The following PTPN13 variants were observed in gnomAD, a reference collection of about 807,000 sequenced individuals.
PTPN13 encodes the protein protein tyrosine phosphatase non-receptor type 13, also known as tyrosine-protein phosphatase non-receptor type 13.
Under a neutral mutation model 284.0 loss-of-function variants are expected in PTPN13, and 191 were observed. That is an observed-to-expected ratio of 0.67 (90% CI 0.60 to 0.76). PTPN13 has a LOEUF of 0.76. Among genes scored for constraint, PTPN13 ranks in the 30% least tolerant of loss-of-function variants. The pLI, the probability that PTPN13 is intolerant of heterozygous loss-of-function variation, is 0.00. For synonymous variants in PTPN13, 986 were observed against 1,022.3 expected, an observed-to-expected ratio of 0.96 and a Z score of 0.68; for missense variants, 2,797 against 2,939.9, an observed-to-expected ratio of 0.95 and a Z score of 1.12.
chr4:86,666,667 C>G (rs944928791), intron 2 of PTPN13, among the ~76,000 whole-genome samples: 1 of 152,064 alleles, frequency 6.6e-6, no homozygotes, highest in African/African-American at 2.4e-5. Flanking sequence ...AATTTCAGCC[C>G]AGAATGGGAG....
At chr4:86,773,037 A>G in intron 32 of PTPN13, 79 bp downstream of exon 32, 1 of 1,091,248 alleles carries the variant, frequency 9.2e-7, no homozygotes, top group Non-Finnish European at 1.3e-6. Context: ...CCCTTTAGGG[A>G]AAAAGCTATC....
At chr4:86,730,798 C>A (rs977202887) in intron 10 of PTPN13, among the ~76,000 whole-genome samples, 1 of 152,058 alleles carries the variant, frequency 6.6e-6, no homozygotes, top group Non-Finnish European at 1.5e-5. Flanking sequence ...AGCTCATCCT[C>A]CGATTGCTGC....
At chr4:86,600,763 A>T (rs1764236202) in intron 1 of PTPN13, among the ~76,000 whole-genome samples, 1 of 152,064 alleles carries the variant, frequency 6.6e-6, no homozygotes, top group South Asian at 2.1e-4. Context: ...TGCTTCTTCT[A>T]AAAAAGTGTA....
At chr4:86,727,722 T>C (rs2149109662) in intron 10 of PTPN13, among the ~76,000 whole-genome samples, 1 of 149,508 alleles carries the variant, frequency 6.7e-6, no homozygotes, top group East Asian at 1.9e-4. Flanking sequence ...TTATTAGTCT[T>C]GCTAGCAGTA....
At chr4:86,744,533 A>G (rs867785844) in intron 16 of PTPN13, among the ~76,000 whole-genome samples, 4 of 152,338 alleles carry the variant, frequency 2.6e-5, no homozygotes, top group African/African-American at 9.6e-5. Flanking sequence ...TAATACAGTC[A>G]TGTGCCATGT....
intron 37 of PTPN13, 145 bp from the exon 38 acceptor site, chr4:86,784,320 T>C: frequency 1.8e-6 from 1 of 561,982 alleles, no homozygotes; most frequent in East Asian, 3.2e-5. Context: ...TGCACTGATA[T>C]TTCCTTTCAA....
intron 7 of PTPN13, among the ~76,000 whole-genome samples, chr4:86,703,210 C>G (rs1164255240): frequency 6.6e-6 from 1 of 151,956 alleles, no homozygotes; most frequent in African/African-American, 2.4e-5. Flanking sequence ...TAACCTTGAT[C>G]GAATACTTTC....
chr4:86,750,541 A>C lies in PTPN13; in HGVS notation c.2722A>C (p.Ser908Arg). The change falls in exon 18 of 48, where the codon AGC becomes CGC. Residue 908 changes from serine to arginine, a missense_variant. Coordinates refer to ENST00000411767, the MANE Select transcript of PTPN13 (RefSeq NM_080683.3). ...VRGFNMGRAISTGSLASSTLN... is the reference protein window; with the variant it reads ...VRGFNMGRAIRTGSLASSTLN... ...AGGATTTAATATGGGACGAGCAATC[A>C]GCACTGGCAGTCTGGCCAGCAGCAC... The C allele has an allele frequency of 6.2e-7, 1 of 1,613,994 alleles. No homozygotes were observed.
intron 7 of PTPN13, among the ~76,000 whole-genome samples, chr4:86,711,293 C>T (rs1253209569): frequency 2.0e-5 from 3 of 151,916 alleles, no homozygotes; most frequent in Non-Finnish European, 2.9e-5. Flanking sequence ...GGATTACAGA[C>T]GTAACCCAAC....
intron 1 of PTPN13, among the ~76,000 whole-genome samples, chr4:86,611,098 T>G (rs537940274): frequency 1.3e-5 from 2 of 152,282 alleles, no homozygotes; most frequent in Non-Finnish European, 2.9e-5. Context: ...TCTTCCTTTT[T>G]CCTACTTTCA....
At chr4:86,774,302 G>T in intron 32 of PTPN13, 71 bp from the exon 33 acceptor site, 1 of 1,405,610 alleles carries the variant, frequency 7.1e-7, no homozygotes, top group South Asian at 1.4e-5. Flanking sequence ...TAAGGGAAAT[G>T]ATAGTCATCT....
chr4:86,643,806 C>T (rs987124859), intron 2 of PTPN13, among the ~76,000 whole-genome samples: 2 of 152,046 alleles, frequency 1.3e-5, no homozygotes, highest in Non-Finnish European at 2.9e-5. Flanking sequence ...ATTGGCAGAG[C>T]AGAAATAATG....
At chr4:86,618,740 A>G (rs1484757831) in intron 1 of PTPN13, among the ~76,000 whole-genome samples, 1 of 152,024 alleles carries the variant, frequency 6.6e-6, no homozygotes, top group East Asian at 1.9e-4. Flanking sequence ...TCTGTTATTG[A>G]TGTATAAGAA....
intron 23 of PTPN13, 31 bp downstream of exon 23, chr4:86,759,104 T>C: frequency 6.3e-7 from 1 of 1,597,686 alleles, no homozygotes; most frequent in Non-Finnish European, 8.5e-7. Context: ...TTATGTATTC[T>C]GTTTCACTTT....
At chr4:86,750,429 G>A (rs1457881495) in intron 17 of PTPN13, 41 bp from the exon 18 acceptor site, 1 of 1,496,636 alleles carries the variant, frequency 6.7e-7, no homozygotes, top group Non-Finnish European at 9.1e-7. Flanking sequence ...TAAAAGTACT[G>A]TGGCGTTACC....
intron 1 of PTPN13, among the ~76,000 whole-genome samples, chr4:86,618,455 T>A (rs1720840347): frequency 6.6e-6 from 1 of 152,220 alleles, no homozygotes; most frequent in South Asian, 2.1e-4. Flanking sequence ...TTTTTCCTAT[T>A]CTGTGAAGAA....
intron 20 of PTPN13, among the ~76,000 whole-genome samples, chr4:86,755,352 C>T (rs1237315725): frequency 6.8e-6 from 1 of 147,116 alleles, no homozygotes; most frequent in Non-Finnish European, 1.5e-5. Context: ...ACAAAAGTTG[C>T]TCAACTTAAA....
chr4:86,773,953 T>G (rs1478081102), intron 32 of PTPN13, among the ~76,000 whole-genome samples: 3 of 152,132 alleles, frequency 2.0e-5, no homozygotes, highest in Non-Finnish European at 4.4e-5. Context: ...TTGTTGTGGC[T>G]CTTTGCATCT....
chr4:86,753,258 A>G (rs1463078226), intron 20 of PTPN13, among the ~76,000 whole-genome samples, 193 bp downstream of exon 20: 1 of 152,092 alleles, frequency 6.6e-6, no homozygotes, highest in Non-Finnish European at 1.5e-5. Context: ...ATGTTGATGA[A>G]ATGACAAATT....
Sources: gnomAD v4.1 joint callset for allele counts (sites outside exome capture counted in the v4.1 genomes callset) on GRCh38, gnomAD v4.1.1 for gene constraint, MANE v1.5 for transcripts, NCBI Gene and HGNC (gene_info 2026-07-23, HGNC 2026-07-21) for gene names.